RASA2: variants seen among roughly 807,000 people sequenced by gnomAD.
RASA2 encodes ras GTPase-activating protein 2.
A neutral mutation model predicts 118.2 loss-of-function variants in RASA2; 155 were observed. The ratio of observed to expected loss-of-function variants is 1.31; its 90% CI spans 1.15 to 1.50. The LOEUF (loss-of-function observed/expected upper bound fraction) is 1.50, where lower values mean the gene tolerates loss of function less well. RASA2 is among the 40% of genes most tolerant of loss of function. The pLI, the probability that RASA2 is intolerant of heterozygous loss-of-function variation, is 0.00. For missense variants in RASA2, 1,016 were observed against 1,009.6 expected, an observed-to-expected ratio of 1.01 and a Z score of -0.09; for synonymous variants, 353 against 349.1, an observed-to-expected ratio of 1.01 and a Z score of -0.12.
Position 141,567,789 on chromosome 3 carries a change from C to T in RASA2, c.864-3123C>T, listed in dbSNP as rs75747391. Among the ~76,000 whole-genome samples, 208 of 152,222 alleles carry T rather than the reference C, an allele frequency of 1.4e-3. 1 individual carries two copies. The highest frequency in any genetic ancestry group is 2.0e-3 in the Non-Finnish European group (138 of 68,014). ...TAAGTAACCAGTGCTATAAATTTGC[C>T]GTGCCTAGTACAAATGTTGAACAAT... On this transcript the variant is annotated intron_variant, in intron 9 of 23. Transcript: ENST00000286364.
In RASA2 at chr3:141,614,829, A is replaced by C. The variant is rs1013622363; in HGVS notation, c.*2516A>C. ...TATTTGCCAAAGAAACTTGTTTTTA[A>C]TATCACGGGTAATGGGTAAGTGTGA... On this transcript the variant is annotated 3_prime_UTR_variant, in exon 24 of 24. Transcript: ENST00000286364. 2 of 152,228 alleles carry C rather than the reference A, an allele frequency of 1.3e-5. No homozygotes were observed. Among genetic ancestry groups the C allele is most frequent in the African/African-American group, 4.8e-5 (2 of 41,470 alleles). 9.4% of individuals were successfully genotyped at this position (152,228 alleles called of 1,614,324 possible).
At chr3:141,505,317 G>T (rs2081849046) in intron 1 of RASA2, among the ~76,000 whole-genome samples, 1 of 152,166 alleles carries the variant, frequency 6.6e-6, no homozygotes, top group South Asian at 2.1e-4. Flanking sequence ...GTAAATATTT[G>T]TTGAGTGAAA....
At position 141,605,797 on chromosome 3, in the gene RASA2, A is replaced by G. The variant is rs148129359; in HGVS notation, c.1934-1881A>G. Among the ~76,000 whole-genome samples, 11 of 150,400 alleles carry G rather than the reference A, an allele frequency of 7.3e-5. No homozygotes were observed. In the East Asian group the frequency reaches 2.0e-3, roughly 27 times the overall value. On this transcript the variant is annotated intron_variant, in intron 19 of 23. Transcript: ENST00000286364. ...TGTTTTACTCATCTTTGTGTTTTGCAGTCCATTTACCTACTTGAGTGTTGA... is the reference window on the plus strand; with the variant it reads ...TGTTTTACTCATCTTTGTGTTTTGCGGTCCATTTACCTACTTGAGTGTTGA...
rs1225755271 is a variant in RASA2 at position 141,571,687 on chromosome 3, TAAC to T, written c.1169+136_1169+138del. 21 of 795,248 alleles carry T rather than the reference TAAC, an allele frequency of 2.6e-5. No homozygotes were observed. In the South Asian group the frequency reaches 3.8e-4, roughly 14 times the overall value. The allele number at this position is 795,248 out of a possible 1,614,324, so 49.3% of individuals were successfully genotyped here. A position where few individuals can be genotyped will look rare whatever the true frequency, so the allele number is the denominator to read the frequency against. ...GTATAGTAGGCTGAAAAGAAGTACT[TAAC>T]AAATAACAAAAGGCAGTTAAGCTAT... On this transcript the variant is annotated intron_variant, in intron 11 of 23. Coordinates refer to ENST00000286364, the MANE Select transcript of RASA2 (RefSeq NM_006506.5).
chr3:141,561,948 G>T (rs1345319550), intron 9 of RASA2, among the ~76,000 whole-genome samples: 1 of 150,978 alleles, frequency 6.6e-6, no homozygotes, highest in Non-Finnish European at 1.5e-5. Flanking sequence ...TTTTTTTTGT[G>T]GGGGGGCGGT....
chr3:141,518,397 C>T (rs1309153931), intron 3 of RASA2, among the ~76,000 whole-genome samples: 5 of 136,684 alleles, frequency 3.7e-5, no homozygotes, highest in African/African-American at 1.1e-4. Context: ...GCAGAAGAAT[C>T]GCTTGAATCC....
rs1182094045 is a variant in RASA2 at position 141,571,197 on chromosome 3, T to TAC, written c.1020+139_1020+140dup. 1.9e-5 allele frequency: 21 copies of TAC among 1,105,764 alleles called. No individual in the cohort carries two copies. The Admixed American group carries it at 2.4e-4, about 12-fold the overall frequency. The allele number at this position is 1,105,764 out of a possible 1,614,324, so 68.5% of individuals were successfully genotyped here. ...TAAAAATTATATACATACATATATA[T>TAC]ACACACACACATTTCTATTTATCTG... On this transcript the variant is annotated intron_variant, in intron 10 of 23. Transcript: ENST00000286364.
At chr3:141,573,907 A>C in intron 13 of RASA2, 37 bp from the exon 14 acceptor site, 1 of 1,548,278 alleles carries the variant, frequency 6.5e-7, no homozygotes. Context: ...ATGTGTGAAC[A>C]TCAAAATCTT....
At chr3:141,605,010 C>T (rs936239810) in intron 19 of RASA2, among the ~76,000 whole-genome samples, 2 of 151,918 alleles carry the variant, frequency 1.3e-5, no homozygotes, top group African/African-American at 2.4e-5. Context: ...AGTAAACATA[C>T]TCCATTGTTT....
At chr3:141,505,057 A>G (rs1278028768) in intron 1 of RASA2, among the ~76,000 whole-genome samples, 1 of 152,154 alleles carries the variant, frequency 6.6e-6, no homozygotes, top group African/African-American at 2.4e-5. Context: ...ATAAAATAAC[A>G]TTGACCTCCT....
chr3:141,550,445 C>T (rs1188075470), intron 5 of RASA2, among the ~76,000 whole-genome samples: 1 of 152,134 alleles, frequency 6.6e-6, no homozygotes, highest in Non-Finnish European at 1.5e-5. Flanking sequence ...GACATGACAA[C>T]TAAATGCACT....
chr3:141,582,748 T>C (rs966194798), intron 17 of RASA2, among the ~76,000 whole-genome samples: 1 of 152,210 alleles, frequency 6.6e-6, no homozygotes, highest in African/African-American at 2.4e-5. Context: ...CAACAAGATA[T>C]GTGCAGTGCT....
intron 1 of RASA2, among the ~76,000 whole-genome samples, chr3:141,496,398 A>G (rs554696600): frequency 6.6e-6 from 1 of 152,328 alleles, no homozygotes; most frequent in South Asian, 2.1e-4. Context: ...AGAATGGGAG[A>G]AAAATTTTGC....
rs991259342 is a variant in RASA2 at position 141,613,742 on chromosome 3, A to G, written c.*1429A>G. 1 of 152,170 alleles carries G rather than the reference A, an allele frequency of 6.6e-6. No homozygotes were observed. The highest frequency in any genetic ancestry group is 2.4e-5 in the African/African-American group (1 of 41,444). 9.4% of individuals were successfully genotyped at this position (152,170 alleles called of 1,614,324 possible). A position where few individuals can be genotyped will look rare whatever the true frequency, so the allele number is the denominator to read the frequency against. On this transcript the variant is annotated 3_prime_UTR_variant, in exon 24 of 24. Transcript: ENST00000286364. The stretch of plus-strand genomic sequence containing the variant: ...GTTATTGGTGGGTAATCATTTTTAA[A>G]TTATATTGTTATTAGGTAATTATTT...
intron 6 of RASA2, among the ~76,000 whole-genome samples, chr3:141,554,625 T>TAC (rs2082621341): frequency 6.6e-6 from 1 of 152,202 alleles, no homozygotes; most frequent in African/African-American, 2.4e-5. Flanking sequence ...GTATTCCCTC[T>TAC]ACACACACAT....
At chr3:141,554,330 A>G (rs1445241301) in intron 6 of RASA2, among the ~76,000 whole-genome samples, 1 of 152,206 alleles carries the variant, frequency 6.6e-6, no homozygotes, top group Non-Finnish European at 1.5e-5. Context: ...GACAATTTAT[A>G]TATTTTTATC....
intron 19 of RASA2, among the ~76,000 whole-genome samples, chr3:141,604,990 A>G (rs2083524715): frequency 6.6e-6 from 1 of 152,228 alleles, no homozygotes; most frequent in African/African-American, 2.4e-5. Flanking sequence ...CTTGAATGAT[A>G]GTTCAATGGA....
At chr3:141,491,633 CTGTA>C (rs2081641054) in intron 1 of RASA2, among the ~76,000 whole-genome samples, 1 of 152,098 alleles carries the variant, frequency 6.6e-6, no homozygotes, top group Non-Finnish European at 1.5e-5. Context: ...TAAGAGAAAA[CTGTA>C]TGAGTCTGCA....
chr3:141,487,620 G>A (rs1281345416), intron 1 of RASA2, among the ~76,000 whole-genome samples: 1 of 152,142 alleles, frequency 6.6e-6, no homozygotes, highest in Non-Finnish European at 1.5e-5. Context: ...CGGGCGCTGG[G>A]GAGTGGCCCC....
Sources: allele counts gnomAD v4.1 joint callset (sites outside exome capture counted in the v4.1 genomes callset), GRCh38; gene constraint gnomAD v4.1.1; transcripts MANE v1.5; gene names NCBI Gene and HGNC (gene_info 2026-07-23, HGNC 2026-07-21).